DGKB: variants seen among roughly 807,000 people sequenced by gnomAD.
DGKB encodes the protein diacylglycerol kinase beta, also known as 90 kDa diacylglycerol kinase.
Under a neutral mutation model 114.3 loss-of-function variants are expected in DGKB, and 67 were observed. That is an observed-to-expected ratio of 0.59 (90% CI 0.48 to 0.72). The LOEUF (loss-of-function observed/expected upper bound fraction) is 0.72, where lower values mean the gene tolerates loss of function less well. DGKB is among the 30% of genes least tolerant of loss of function. The probability of loss-of-function intolerance (pLI) is 0.00; values close to 1 mark genes in which losing one functional copy is unlikely to be tolerated. For synonymous variants in DGKB, 398 were observed against 323.1 expected (o/e 1.23, Z -2.49); for missense variants, 907 against 975.2 (o/e 0.93, Z 0.93).
chr7:14,655,273 A>G (rs1380431951), intron 13 of DGKB, among the ~76,000 whole-genome samples: 3 of 151,708 alleles, frequency 2.0e-5, no homozygotes, highest in Admixed American at 2.0e-4. Flanking sequence ...ATGGCCAAAA[A>G]GTATATAAAA....
intron 23 of DGKB, among the ~76,000 whole-genome samples, chr7:14,305,628 C>T (rs1430863236): frequency 6.6e-6 from 1 of 152,136 alleles, no homozygotes; most frequent in Non-Finnish European, 1.5e-5. Flanking sequence ...GGCTTGCGAT[C>T]CATCAAATGG....
chr7:14,392,940 G>A (rs940736792), intron 21 of DGKB, among the ~76,000 whole-genome samples: 29 of 150,976 alleles, frequency 1.9e-4, no homozygotes, highest in African/African-American at 7.0e-4. Flanking sequence ...GCATTTCAGG[G>A]AAGGGCTCAG....
At chr7:14,971,855 G>A (rs914221367) in intron 1 of DGKB, among the ~76,000 whole-genome samples, 2 of 150,082 alleles carry the variant, frequency 1.3e-5, no homozygotes, top group Admixed American at 6.7e-5. Flanking sequence ...CTCAGCCTCC[G>A]GGGTTCAAGT....
At chr7:14,206,510 A>T (rs1786844185) in intron 23 of DGKB, among the ~76,000 whole-genome samples, 1 of 152,074 alleles carries the variant, frequency 6.6e-6, no homozygotes. Flanking sequence ...GAGAAAAGGC[A>T]TATTAGGCTT....
At chr7:14,265,451 G>C (rs1220392446) in intron 23 of DGKB, among the ~76,000 whole-genome samples, 1 of 148,206 alleles carries the variant, frequency 6.7e-6, no homozygotes, top group Non-Finnish European at 1.5e-5. Flanking sequence ...CCCTAATCCT[G>C]TGACAGTTTC....
chr7:14,744,626 A>G (rs1212897176), intron 4 of DGKB, among the ~76,000 whole-genome samples: 2 of 152,196 alleles, frequency 1.3e-5, no homozygotes, highest in Non-Finnish European at 2.9e-5. Flanking sequence ...ATTCCATCAA[A>G]AGCAATTTTA....
At chr7:14,547,653 T>C (rs17664431) in intron 20 of DGKB, among the ~76,000 whole-genome samples, 5,491 of 152,220 alleles carry the variant, frequency 0.036, 142 homozygotes, top group Non-Finnish European at 0.057. Flanking sequence ...TGGAGCATTA[T>C]AGCTCTTAGC....
intron 21 of DGKB, among the ~76,000 whole-genome samples, chr7:14,476,286 A>C (rs1204412568): frequency 6.6e-6 from 1 of 152,094 alleles, no homozygotes; most frequent in Non-Finnish European, 1.5e-5. Context: ...GTGTATAATC[A>C]AGTGCTGAAA....
intron 17 of DGKB, among the ~76,000 whole-genome samples, chr7:14,597,793 C>A (rs1408736763): frequency 6.6e-6 from 1 of 151,994 alleles, no homozygotes; most frequent in East Asian, 1.9e-4. Flanking sequence ...TGGGTGACTA[C>A]TGAATCAGTA....
intron 2 of DGKB, among the ~76,000 whole-genome samples, chr7:14,787,255 T>C (rs1218709337): frequency 6.6e-6 from 1 of 152,160 alleles, no homozygotes; most frequent in Non-Finnish European, 1.5e-5. Flanking sequence ...TTTTAATTTT[T>C]TATATATTAG....
chr7:14,414,134 A>G (rs543377573), intron 21 of DGKB, among the ~76,000 whole-genome samples: 36 of 152,314 alleles, frequency 2.4e-4, no homozygotes, highest in African/African-American at 8.4e-4. Context: ...ATCAATAAAA[A>G]TATAAAGTAG....
At chr7:14,874,663 A>G (rs1374504936) in intron 1 of DGKB, among the ~76,000 whole-genome samples, 7 of 152,112 alleles carry the variant, frequency 4.6e-5, no homozygotes, top group Non-Finnish European at 8.8e-5. Flanking sequence ...CAATAATAAA[A>G]GAAGTGGGGG....
chr7:14,967,652 TA>T (rs35965873), intron 1 of DGKB, among the ~76,000 whole-genome samples: 9,515 of 100,976 alleles, frequency 0.094, 469 homozygotes, highest in African/African-American at 0.19. Flanking sequence ...TGTGATTTAT[TA>T]AAAAAAAAAA....
chr7:14,554,034 G>A (rs756297969), intron 20 of DGKB, among the ~76,000 whole-genome samples: 10 of 151,770 alleles, frequency 6.6e-5, no homozygotes, highest in South Asian at 2.1e-4. Context: ...CACCACGCCC[G>A]GCTAATTTTT....
intron 1 of DGKB, among the ~76,000 whole-genome samples, chr7:14,878,727 C>T (rs1434245177): frequency 8.9e-6 from 1 of 112,936 alleles, no homozygotes; most frequent in East Asian, 2.7e-4. Flanking sequence ...CCAGCCTGGG[C>T]AACAGCGTGA....
In DGKB at chr7:14,609,470, A is replaced by T. The variant is rs1019606672; in HGVS notation, c.1359-1962T>A. ...AACCTAGGAAATACCCCACGTGACAATGGCTTTGGCAACACATTTTTTATT... is the reference window on the plus strand; with the variant it reads ...AACCTAGGAAATACCCCACGTGACATTGGCTTTGGCAACACATTTTTTATT... On this transcript the variant is annotated intron_variant, in intron 16 of 25. Coordinates refer to ENST00000402815, the MANE Select transcript of DGKB (RefSeq NM_001350709.2). Among the ~76,000 whole-genome samples the T allele has an allele frequency of 2.6e-5, 4 of 151,982 alleles. No homozygotes were observed. The South Asian group carries it at 6.2e-4, about 24-fold the overall frequency.
chr7:14,716,772 C>T (rs1031525221), intron 6 of DGKB, among the ~76,000 whole-genome samples: 2 of 151,876 alleles, frequency 1.3e-5, no homozygotes, highest in African/African-American at 2.4e-5. Flanking sequence ...AGAAAGAAAA[C>T]CAAACTTCGG....
chr7:14,972,832 A>C (rs1287495009), intron 1 of DGKB, among the ~76,000 whole-genome samples: 1 of 152,108 alleles, frequency 6.6e-6, no homozygotes, highest in Non-Finnish European at 1.5e-5. Context: ...ACAGAGAAGA[A>C]TATGCAGATA....
intron 23 of DGKB, among the ~76,000 whole-genome samples, chr7:14,217,352 G>A (rs942394376): frequency 1.3e-5 from 2 of 151,824 alleles, no homozygotes; most frequent in Admixed American, 6.6e-5. Flanking sequence ...TCCTTGGGAC[G>A]TGGGTTTTTT....
Sources: gnomAD v4.1 joint callset for allele counts (sites outside exome capture counted in the v4.1 genomes callset) on GRCh38, gnomAD v4.1.1 for gene constraint, MANE v1.5 for transcripts, NCBI Gene and HGNC (gene_info 2026-07-23, HGNC 2026-07-21) for gene names.